Variants in CENPC observed in about 807,000 individuals in gnomAD.
CENPC encodes centromere protein C.
In CENPC, 63 loss-of-function variants were observed where a neutral mutation model predicts 112.1. That is an observed-to-expected ratio of 0.56 (90% confidence interval 0.46 to 0.69). CENPC has a LOEUF of 0.69. Among genes scored for constraint, CENPC ranks in the 30% least tolerant of loss-of-function variants. The pLI is 0.00. For synonymous variants in CENPC, 333 were observed against 367.6 expected (o/e 0.91, Z 1.08); for missense variants, 1,000 against 1,103.8 (o/e 0.91, Z 1.33).
At chr4:67,480,268 G>A (rs577609106) in intron 17 of CENPC, among the ~76,000 whole-genome samples, 7 of 152,108 alleles carry the variant, frequency 4.6e-5, no homozygotes, top group Non-Finnish European at 1.0e-4. Context: ...ACAGTGAGCT[G>A]AAATCGCACC....
chr4:67,491,208 T>C (rs1004665268), intron 16 of CENPC, among the ~76,000 whole-genome samples: 3 of 149,820 alleles, frequency 2.0e-5, no homozygotes, highest in African/African-American at 7.3e-5. Context: ...GGTCTGGCTC[T>C]GCACACCCAG....
intron 7 of CENPC, among the ~76,000 whole-genome samples, chr4:67,516,941 T>C (rs1048267318): frequency 1.3e-5 from 2 of 151,964 alleles, no homozygotes; most frequent in Non-Finnish European, 2.9e-5. Flanking sequence ...CAATTAAACA[T>C]AAGATGAACT....
intron 15 of CENPC, 50 bp from the exon 16 acceptor site, chr4:67,492,325 T>G: frequency 7.9e-7 from 1 of 1,270,314 alleles, no homozygotes; most frequent in Non-Finnish European, 1.1e-6. Context: ...AAAATTATTC[T>G]CAATCCCAAA....
chr4:67,474,527 G>A (rs1035876417), intron 18 of CENPC, among the ~76,000 whole-genome samples: 16 of 151,906 alleles, frequency 1.1e-4, no homozygotes, highest in Non-Finnish European at 1.9e-4. Context: ...GCAAAATCCC[G>A]CCTCTACTAA....
intron 2 of CENPC, 74 bp downstream of exon 2, chr4:67,544,075 T>C: frequency 1.3e-6 from 1 of 789,088 alleles, no homozygotes; most frequent in Non-Finnish European, 2.2e-6. Context: ...GGTGATAGTT[T>C]TTCCTTTCTT....
chr4:67,537,014 C>A, intron 4 of CENPC, among the ~76,000 whole-genome samples: 1 of 146,080 alleles, frequency 6.8e-6, no homozygotes, highest in African/African-American at 2.5e-5. Context: ...ATACCAAGAT[C>A]CCTACCTCTA....
intron 11 of CENPC, among the ~76,000 whole-genome samples, chr4:67,506,338 C>T (rs569956966): frequency 1.1e-4 from 16 of 152,076 alleles, no homozygotes; most frequent in Admixed American, 1.3e-4. Flanking sequence ...GTAGAAATGA[C>T]GGTGTACAAT....
chr4:67,514,949 T>C (rs1726016954), intron 7 of CENPC, among the ~76,000 whole-genome samples: 2 of 51,996 alleles, frequency 3.8e-5, no homozygotes, highest in African/African-American at 1.6e-4. Flanking sequence ...ACCCACCCAT[T>C]ATATATACTA....
At position 67,495,176 on chromosome 4, in the gene CENPC, C is replaced by A. The variant is rs2109781217; in HGVS notation, c.2168G>T (p.Arg723Ile). 6.5e-7 allele frequency: 1 copy of A among 1,530,090 alleles called. No homozygotes were observed. The allele number at this position is 1,530,090 out of a possible 1,614,324, so 94.8% of individuals were successfully genotyped here. ...SKQSKVIPKN[R>I]IHHKLVLPSN... ...ATTCTTACCTAGTTTGTGATGGATT[C>A]TGTTCTTTGGTATCACTTTAGATTG... Residue 723 changes from arginine (R) to isoleucine (I), a missense_variant, in exon 13 of 19, where the codon AGA (arginine) becomes ATA (isoleucine). Coordinates refer to ENST00000273853, the MANE Select transcript of CENPC (RefSeq NM_001812.4).
chr4:67,511,585 T>C (rs1355324983), intron 9 of CENPC, among the ~76,000 whole-genome samples: 2 of 152,178 alleles, frequency 1.3e-5, no homozygotes, highest in East Asian at 1.9e-4. Flanking sequence ...CATTTCCTAA[T>C]TGGCAAACGT....
chr4:67,474,281 G>A (rs541875840), intron 18 of CENPC, among the ~76,000 whole-genome samples: 2 of 152,058 alleles, frequency 1.3e-5, no homozygotes, highest in Admixed American at 6.6e-5. Context: ...TAGCCAGGAT[G>A]GTCTCGATCT....
intron 10 of CENPC, 127 bp from the exon 11 acceptor site, chr4:67,507,061 C>G: frequency 1.6e-6 from 1 of 625,094 alleles, no homozygotes; most frequent in Non-Finnish European, 2.5e-6. Context: ...TCACCCTGTT[C>G]AGGTTCTGAG....
At chr4:67,515,258 G>C (rs554165438) in intron 7 of CENPC, among the ~76,000 whole-genome samples, 9 of 150,120 alleles carry the variant, frequency 6.0e-5, no homozygotes, top group East Asian at 1.9e-4. Context: ...TTGAGGTCAG[G>C]AGTTCAAGAC....
intron 17 of CENPC, among the ~76,000 whole-genome samples, chr4:67,478,853 A>G (rs1379094209): frequency 1.3e-5 from 2 of 152,186 alleles, no homozygotes; most frequent in Admixed American, 6.5e-5. Flanking sequence ...GATTCACATA[A>G]GCTTAGGGTA....
At position 67,519,305 on chromosome 4, in the gene CENPC, T is replaced by C; in HGVS notation, c.529A>G (p.Ser177Gly). The change falls in exon 6 of 19, where the codon AGT (serine) becomes GGT (glycine). Residue 177 changes from serine to glycine, a missense_variant. Physicochemically the swap from Ser to Gly is moderately conservative, Grantham distance 56 (BLOSUM62 0). Coordinates refer to ENST00000273853, the MANE Select transcript of CENPC (RefSeq NM_001812.4). ...GTGTAAGTCTCTCTCTTTTGGGCAC[T>C]AGATGGAATAACATTTTGTGATACA... ...TSVSQNVIPS[S>G]AQKRETYTFE... 1 of 1,612,528 alleles carries C rather than the reference T, an allele frequency of 6.2e-7. No homozygotes were observed. The highest frequency in any genetic ancestry group is 8.5e-7 in the Non-Finnish European group (1 of 1,179,188).
intron 16 of CENPC, among the ~76,000 whole-genome samples, chr4:67,491,496 G>T (rs1415712103): frequency 2.3e-4 from 29 of 125,266 alleles, no homozygotes; most frequent in African/African-American, 4.2e-4. Flanking sequence ...GAGAGAGAGA[G>T]AGAGAGAGAG....
chr4:67,502,679 A>T (rs1725623389), intron 12 of CENPC, among the ~76,000 whole-genome samples: 1 of 152,188 alleles, frequency 6.6e-6, no homozygotes, highest in South Asian at 2.1e-4. Context: ...GGTTGAGAAC[A>T]TCAAGCTTAG....
intron 18 of CENPC, 140 bp from the exon 19 acceptor site, chr4:67,472,815 A>T (rs1482404707): frequency 9.7e-7 from 1 of 1,033,018 alleles, no homozygotes; most frequent in Non-Finnish European, 1.3e-6. Flanking sequence ...AACTTATTTA[A>T]TTCCATGAAC....
At chr4:67,521,850 A>G (rs189209660) in intron 5 of CENPC, among the ~76,000 whole-genome samples, 158 of 152,342 alleles carry the variant, frequency 1.0e-3, no homozygotes, top group African/African-American at 3.5e-3. Context: ...CATTATGCTT[A>G]GTGAAATAAG....
Sources: gnomAD v4.1 joint callset for allele counts (sites outside exome capture counted in the v4.1 genomes callset) on GRCh38, gnomAD v4.1.1 for gene constraint, MANE v1.5 for transcripts, NCBI Gene and HGNC (gene_info 2026-07-23, HGNC 2026-07-21) for gene names.